FBN2: variants seen among roughly 807,000 people sequenced by gnomAD.
FBN2 encodes fibrillin-2.
A neutral mutation model predicts 355.6 loss-of-function variants in FBN2; 105 were observed. The observed-to-expected ratio is 0.30, with a 90% CI of 0.25 to 0.35. The LOEUF is 0.35. Among genes scored for constraint, FBN2 ranks in the 10% least tolerant of loss-of-function variants. FBN2 has a pLI of 1.00. For synonymous variants in FBN2, 1,350 were observed against 1,301.2 expected, an observed-to-expected ratio of 1.04 and a Z score of -0.81; for missense variants, 3,280 against 3,758.7, an observed-to-expected ratio of 0.87 and a Z score of 3.33.
intron 5 of FBN2, among the ~76,000 whole-genome samples, chr5:128,492,770 T>C (rs1423614098): frequency 1.8e-5 from 2 of 113,770 alleles, no homozygotes; most frequent in African/African-American, 7.0e-5. Context: ...GCCACTGCAC[T>C]CCAGCCTGAG....
chr5:128,338,032 C>T lies in FBN2; in HGVS notation c.3563G>A (p.Gly1188Glu), dbSNP rs748888503. ...EGSFQCDCPL[G>E]HELSPSREDC... ...CTCACGGGATGGTGACAGCTCGTGT[C>T]CCAGTGGGCAGTCACACTGAAAGCT... is the stretch of plus-strand genomic sequence containing the variant. The change falls in exon 27 of 65, where the codon GGA becomes GAA. Residue 1188 changes from glycine (G) to glutamate (E), a missense_variant. This residue lies in a region of FBN2 where 2,284 missense variants were observed against 2,749.5 expected (regional missense o/e 0.83). Transcript: ENST00000262464. The T allele has an allele frequency of 8.7e-6, 14 of 1,613,920 alleles. No individual in the cohort carries two copies. Among genetic ancestry groups the T allele is most frequent in the African/African-American group, 1.3e-5 (1 of 74,918 alleles).
chr5:128,378,994 G>C, intron 11 of FBN2, 104 bp from the exon 12 acceptor site: 1 of 1,246,086 alleles, frequency 8.0e-7, no homozygotes, highest in Non-Finnish European at 1.2e-6. Flanking sequence ...CCAGTCAGTG[G>C]TAATAGTCTA....
intron 53 of FBN2, 37 bp from the exon 54 acceptor site, chr5:128,287,467 G>A (rs1200250762): frequency 6.2e-7 from 1 of 1,612,058 alleles, no homozygotes; most frequent in Non-Finnish European, 8.5e-7. Flanking sequence ...GCTCAGCCTA[G>A]AGTTCTAATT....
chr5:128,374,580 T>A (rs1461417128), intron 15 of FBN2, 48 bp downstream of exon 15: 1 of 1,612,350 alleles, frequency 6.2e-7, no homozygotes, highest in Non-Finnish European at 8.5e-7. Flanking sequence ...TGTCAGTTTT[T>A]CAAAGATCAT....
intron 11 of FBN2, among the ~76,000 whole-genome samples, chr5:128,391,382 G>A (rs1752505436): frequency 6.6e-6 from 1 of 152,100 alleles, no homozygotes; most frequent in Non-Finnish European, 1.5e-5. Flanking sequence ...CATTAAAAAG[G>A]TTTGCAAAAA....
intron 62 of FBN2, among the ~76,000 whole-genome samples, chr5:128,267,554 G>T (rs1407956434): frequency 6.6e-6 from 1 of 151,964 alleles, no homozygotes; most frequent in Non-Finnish European, 1.5e-5. Flanking sequence ...GTTTTGATTT[G>T]CATTTCTCTA....
rs190672866 is a variant in FBN2, at chr5:128,424,055, G to A, written c.953-15256C>T. ...CGTGAGAAATGATGATAAGGTATAC[G>A]TGGGGTGGGTGTAGTGGAGCTGAAG... On this transcript the variant is annotated intron_variant, in intron 7 of 64. Coordinates refer to ENST00000262464, the MANE Select transcript of FBN2 (RefSeq NM_001999.4). Among the ~76,000 whole-genome samples, 31 of 152,254 alleles carry A rather than the reference G, an allele frequency of 2.0e-4. No individual in the cohort carries two copies. The East Asian group carries it at 5.4e-3, about 27-fold the overall frequency.
chr5:128,305,219 A>G, intron 44 of FBN2, 137 bp from the exon 45 acceptor site: 1 of 887,520 alleles, frequency 1.1e-6, no homozygotes, highest in South Asian at 1.5e-5. Context: ...AGCTGAATCA[A>G]AATGAGCAGG....
intron 25 of FBN2, among the ~76,000 whole-genome samples, chr5:128,343,054 A>G (rs1213145191): frequency 6.6e-6 from 1 of 152,056 alleles, no homozygotes; most frequent in South Asian, 2.1e-4. Flanking sequence ...ATCACTAGAG[A>G]GGAGGCTGTG....
In FBN2 at chr5:128,464,745, T is replaced by A. The variant is rs1754660506; in HGVS notation, c.805A>T (p.Ile269Phe). The change falls in exon 6 of 65, where the codon ATC becomes TTC. Residue 269 changes from isoleucine to phenylalanine, a missense_variant. Physicochemically the swap from Ile to Phe is conservative, Grantham distance 21 (BLOSUM62 0). Around this residue, in one of 6 missense-constraint regions of FBN2, gnomAD observed 343 missense variants for 331.0 expected, o/e 1.04. Coordinates refer to ENST00000262464, the MANE Select transcript of FBN2 (RefSeq NM_001999.4). ...QPCRRGFIPN[I>F]RTGACQDVDE... ...TCACCTTGGCAAGCTCCAGTGCGGA[T>A]GTTGGGGATGAAACCCCGTCGGCAG... The A allele has an allele frequency of 6.2e-7, 1 of 1,613,792 alleles. No homozygotes were observed. Among genetic ancestry groups the A allele is most frequent in the Non-Finnish European group, 8.5e-7 (1 of 1,179,952 alleles).
At chr5:128,485,291 G>C (rs969977617) in intron 5 of FBN2, among the ~76,000 whole-genome samples, 3 of 152,178 alleles carry the variant, frequency 2.0e-5, no homozygotes, top group African/African-American at 7.2e-5. Context: ...CTAAAGTGCT[G>C]AGATTACAGG....
rs923539133 is a variant in FBN2 at position 128,429,813 on chromosome 5, A to T, written c.952+16668T>A. Reference sequence around the variant, plus strand: ...ATTATGATAATTTAATTTGTGAAAGATGATATGCTACGAGTTTATTAAGTT... The same window carrying T: ...ATTATGATAATTTAATTTGTGAAAGTTGATATGCTACGAGTTTATTAAGTT... On this transcript the variant is annotated intron_variant, in intron 7 of 64. Coordinates refer to ENST00000262464, the MANE Select transcript of FBN2 (RefSeq NM_001999.4). Among the ~76,000 whole-genome samples the T allele has an allele frequency of 2.6e-5, 4 of 152,202 alleles. No individual in the cohort carries two copies. In the South Asian group the frequency reaches 6.2e-4, roughly 24 times the overall value.
chr5:128,449,721 G>A (rs1754188409), intron 6 of FBN2, among the ~76,000 whole-genome samples: 2 of 151,640 alleles, frequency 1.3e-5, no homozygotes, highest in Non-Finnish European at 2.9e-5. Flanking sequence ...CATATGAGAT[G>A]TCAGTGGTAC....
intron 7 of FBN2, chr5:128,441,915 T>C (rs1453262569): frequency 6.6e-6 from 1 of 152,414 alleles, no homozygotes; most frequent in Admixed American, 6.5e-5. Flanking sequence ...TTTAATGAGT[T>C]TTCCCCTTGA....
rs863223551 is a variant in FBN2, at chr5:128,393,272, G to A, written c.1328C>T (p.Ala443Val). Residue 443 changes from alanine to valine, a missense_variant, in exon 10 of 65, where the codon GCC becomes GTC. Physicochemically the swap from Ala to Val is moderately conservative, Grantham distance 64. Transcript: ENST00000262464. ...ATAGCCATTGCCATTGCCACTTGGG[G>A]CAAAGCCATTTCCCCCAGTGCCTCC... ...RPGGTGGNGF[A>V]PSGNGNGYGP... 1.2e-6 allele frequency: 2 copies of A among 1,614,148 alleles called. No homozygotes were observed. The highest frequency in any genetic ancestry group is 2.7e-5 in the African/African-American group (2 of 75,054).
intron 34 of FBN2, among the ~76,000 whole-genome samples, chr5:128,327,565 G>A: frequency 8.2e-6 from 1 of 122,274 alleles, no homozygotes; most frequent in South Asian, 2.9e-4. Context: ...TTGCTCAGCA[G>A]TTAGGTATTT....
chr5:128,530,347 T>C (rs1756669843), intron 3 of FBN2, among the ~76,000 whole-genome samples: 1 of 152,242 alleles, frequency 6.6e-6, no homozygotes, highest in Admixed American at 6.5e-5. Context: ...GTCTAGTGTT[T>C]GAGACTATAC....
At chr5:128,353,567 T>C (rs991719319) in intron 20 of FBN2, among the ~76,000 whole-genome samples, 2 of 152,220 alleles carry the variant, frequency 1.3e-5, no homozygotes, top group Non-Finnish European at 2.9e-5. Context: ...AAAGCTACTG[T>C]GTATTTAAAT....
At chr5:128,368,465 T>TACATATACATAC (rs1751839773) in intron 16 of FBN2, among the ~76,000 whole-genome samples, 1 of 128,214 alleles carries the variant, frequency 7.8e-6, no homozygotes, top group Non-Finnish European at 1.5e-5. Flanking sequence ...CACATATATA[T>TACATATACATAC]ACATATATAT....
Sources: gnomAD v4.1 joint callset for allele counts (sites outside exome capture counted in the v4.1 genomes callset) on GRCh38, gnomAD v4.1.1 for gene constraint, gnomAD v4.1.1 regional missense constraint, MANE v1.5 for transcripts, NCBI Gene and HGNC (gene_info 2026-07-23, HGNC 2026-07-21) for gene names.